LYST: variants seen among roughly 807,000 people sequenced by gnomAD.
LYST encodes the protein lysosomal trafficking regulator, also known as lysosomal-trafficking regulator.
A neutral mutation model predicts 413.6 loss-of-function variants in LYST; 192 were observed. The ratio of observed to expected loss-of-function variants is 0.46; its 90% CI spans 0.41 to 0.52. The LOEUF (loss-of-function observed/expected upper bound fraction) is 0.52. LYST is among the 20% of genes least tolerant of loss of function. LYST has a pLI of 0.00. For missense variants in LYST, 3,815 were observed against 4,499.9 expected, an observed-to-expected ratio of 0.85 and a Z score of 4.35; for synonymous variants, 1,525 against 1,567.3, an observed-to-expected ratio of 0.97 and a Z score of 0.64.
Position 235,746,533 on chromosome 1 carries a change from A to T in LYST, c.7781-6T>A. 1 of 1,603,474 alleles carries T rather than the reference A, an allele frequency of 6.2e-7. No individual in the cohort carries two copies. The highest frequency in any genetic ancestry group is 8.5e-7 in the Non-Finnish European group (1 of 1,171,580). On this transcript the variant is annotated splice_region_variant and splice_polypyrimidine_tract_variant and intron_variant, in intron 28 of 52. Transcript: ENST00000389793. ...AAGGGGAAATTTTCGAGGACCTTTAAAAGTATATAAATTAAAACATCAAAT... is the reference window on the plus strand; with the variant it reads ...AAGGGGAAATTTTCGAGGACCTTTATAAGTATATAAATTAAAACATCAAAT...
intron 19 of LYST, among the ~76,000 whole-genome samples, chr1:235,771,913 GTTTGTTTTTT>G (rs1668723559): frequency 1.1e-5 from 1 of 95,182 alleles, no homozygotes; most frequent in Non-Finnish European, 2.1e-5. Context: ...AGGTTTTTTA[GTTTGTTTTTT>G]TTTTTTTTTT....
At chr1:235,879,527 G>A (rs567394668) in intron 1 of LYST, among the ~76,000 whole-genome samples, 2 of 152,170 alleles carry the variant, frequency 1.3e-5, no homozygotes, top group Non-Finnish European at 2.9e-5. Context: ...AAGGGAAAGA[G>A]AACAGGGAAA....
At chr1:235,720,120 A>G (rs1235534168) in intron 40 of LYST, among the ~76,000 whole-genome samples, 2 of 136,680 alleles carry the variant, frequency 1.5e-5, no homozygotes, top group Non-Finnish European at 3.1e-5. Context: ...GGTTGCAGTG[A>G]GCCGAGATTG....
chr1:235,814,739 C>T (rs567489952), intron 3 of LYST, among the ~76,000 whole-genome samples: 1 of 150,484 alleles, frequency 6.6e-6, no homozygotes, highest in South Asian at 2.1e-4. Flanking sequence ...ATTCAGACTA[C>T]TCCTTCTGGT....
intron 2 of LYST, among the ~76,000 whole-genome samples, chr1:235,832,525 G>C (rs542305016): frequency 2.6e-5 from 4 of 152,128 alleles, no homozygotes; most frequent in South Asian, 2.1e-4. Context: ...TATATGAATA[G>C]GTTAGTGTAT....
Position 235,864,551 on chromosome 1 carries a change from T to C in LYST, c.-98+2292A>G, listed in dbSNP as rs181816357. The stretch of plus-strand genomic sequence containing the variant: ...CCTGGATTAGGGCAACAGTTCCGGA[T>C]TGGTATCCCAGCTTCTGCTCCTGCT... On this transcript the variant is annotated intron_variant, in intron 1 of 52. Coordinates refer to ENST00000389793, the MANE Select transcript of LYST (RefSeq NM_000081.4). Among the ~76,000 whole-genome samples, 23 of 152,320 alleles carry C rather than the reference T, an allele frequency of 1.5e-4. No individual in the cohort carries two copies. The East Asian group carries it at 3.1e-3, about 20-fold the overall frequency.
At chr1:235,791,275 T>C (rs1382054158) in intron 12 of LYST, among the ~76,000 whole-genome samples, 1 of 150,154 alleles carries the variant, frequency 6.7e-6, no homozygotes, top group Non-Finnish European at 1.5e-5. Context: ...AGAGTGAAAC[T>C]GTCTCAAAAA....
At position 235,744,149 on chromosome 1, in the gene LYST, A is replaced by C. The variant is rs749432149; in HGVS notation, c.7981T>G (p.Ser2661Ala). Reference sequence around the variant, plus strand: ...GTTCTCAAAATGTCAATAATGTCTGAATTAAATTCTTTGAATTGAAAAAAA... The same window carrying C: ...GTTCTCAAAATGTCAATAATGTCTGCATTAAATTCTTTGAATTGAAAAAAA... ...VNRIIYQEFN[S>A]DIIDILRTPE... is the part of the protein sequence containing the mutation. The change falls in exon 30 of 53, where the codon TCA (serine) becomes GCA (alanine). Residue 2661 changes from serine (S) to alanine (A), a missense_variant. Transcript: ENST00000389793. 1 of 1,565,894 alleles carries C rather than the reference A, an allele frequency of 6.4e-7. No individual in the cohort carries two copies. Among genetic ancestry groups the C allele is most frequent in the Non-Finnish European group, 8.8e-7 (1 of 1,136,484 alleles).
chr1:235,697,068 T>TA lies in LYST; in HGVS notation c.10564+14dup, dbSNP rs1425476993. On this transcript the variant is annotated intron_variant, in intron 46 of 52. Transcript: ENST00000389793. ...AAGATATATCCAGAATGATCTTCGT[T>TA]ACATTTTATTTTACCTTGTTCCTTG... is the stretch of plus-strand genomic sequence containing the variant. The TA allele has an allele frequency of 6.2e-7, 1 of 1,609,030 alleles. No individual in the cohort carries two copies. Among genetic ancestry groups the TA allele is most frequent in the Middle Eastern group, 1.7e-4 (1 of 6,050 alleles).
intron 1 of LYST, among the ~76,000 whole-genome samples, chr1:235,875,500 T>G (rs1220700102): frequency 6.6e-6 from 1 of 152,184 alleles, no homozygotes; most frequent in Non-Finnish European, 1.5e-5. Flanking sequence ...GTGGAGAGTC[T>G]GTTTTAATAA....
chr1:235,682,162 G>A (rs1376412199), intron 48 of LYST, among the ~76,000 whole-genome samples: 1 of 152,114 alleles, frequency 6.6e-6, no homozygotes, highest in Non-Finnish European at 1.5e-5. Context: ...AATTTAAAAA[G>A]TAGTAGGGCA....
chr1:235,790,838 G>A (rs1670903096), intron 12 of LYST, among the ~76,000 whole-genome samples: 1 of 152,166 alleles, frequency 6.6e-6, no homozygotes, highest in South Asian at 2.1e-4. Context: ...TCTAATGTTG[G>A]AGAATGGCTG....
rs555524117 is a variant in LYST at position 235,820,512 on chromosome 1, G to A, written c.193-7451C>T. 2.0e-5 allele frequency among the ~76,000 whole-genome samples: 3 copies of A among 152,150 alleles called. No homozygotes were observed. The East Asian group carries it at 5.8e-4, about 29-fold the overall frequency. Reference sequence around the variant, plus strand: ...AGCCTCCCAAGTAGCTGGGACTACAGGCACGTGCCACCACACCTGGTTGAT... The same window carrying A: ...AGCCTCCCAAGTAGCTGGGACTACAAGCACGTGCCACCACACCTGGTTGAT... On this transcript the variant is annotated intron_variant, in intron 3 of 52. Coordinates refer to ENST00000389793, the MANE Select transcript of LYST (RefSeq NM_000081.4).
chr1:235,685,547 A>G (rs1461761051), intron 48 of LYST, among the ~76,000 whole-genome samples: 3 of 152,078 alleles, frequency 2.0e-5, no homozygotes, highest in Admixed American at 2.0e-4. Flanking sequence ...ATAAGCTTGG[A>G]AAAAAAAGTA....
intron 47 of LYST, among the ~76,000 whole-genome samples, chr1:235,691,955 C>T (rs550396603): frequency 1.3e-4 from 20 of 151,150 alleles, no homozygotes; most frequent in Admixed American, 9.9e-4. Context: ...ACCTTGGCCT[C>T]CCAAAGTGCT....
chr1:235,688,861 T>G (rs1660412126), intron 47 of LYST, among the ~76,000 whole-genome samples: 1 of 151,970 alleles, frequency 6.6e-6, no homozygotes, highest in Non-Finnish European at 1.5e-5. Context: ...GGCACGCACC[T>G]GTAGTCCCAG....
chr1:235,685,955 A>T (rs958750032), intron 48 of LYST, among the ~76,000 whole-genome samples: 3 of 152,210 alleles, frequency 2.0e-5, no homozygotes, highest in African/African-American at 7.2e-5. Flanking sequence ...TAATACTATA[A>T]AGAAAATTAT....
chr1:235,759,958 C>T (rs1667420074), intron 22 of LYST, among the ~76,000 whole-genome samples: 1 of 152,074 alleles, frequency 6.6e-6, no homozygotes, highest in Non-Finnish European at 1.5e-5. Flanking sequence ...TTTATTTTAA[C>T]CACTTTTTAT....
chr1:235,678,138 G>A (rs1433564947), intron 48 of LYST, among the ~76,000 whole-genome samples: 1 of 151,526 alleles, frequency 6.6e-6, no homozygotes, highest in Non-Finnish European at 1.5e-5. Context: ...AATAATTAAA[G>A]TTTTTTAAGA....
Sources: allele counts gnomAD v4.1 joint callset (sites outside exome capture counted in the v4.1 genomes callset), GRCh38; gene constraint gnomAD v4.1.1; transcripts MANE v1.5; gene names NCBI Gene and HGNC (gene_info 2026-07-23, HGNC 2026-07-21).